Variants in PRDM6 observed in about 807,000 individuals in gnomAD.
PRDM6 encodes the protein putative histone-lysine N-methyltransferase PRDM6.
PRDM6 carries 25 observed loss-of-function variants against 60.8 expected under a neutral mutation model. That is an observed-to-expected ratio of 0.41 (90% confidence interval 0.30 to 0.57). The LOEUF (loss-of-function observed/expected upper bound fraction) is 0.57, where lower values mean the gene tolerates loss of function less well. Among genes scored for constraint, PRDM6 ranks in the 20% least tolerant of loss-of-function variants. The pLI is 0.27. For missense variants in PRDM6, 839 were observed against 821.3 expected, an observed-to-expected ratio of 1.02 and a Z score of -0.26; for synonymous variants, 407 against 357.4, an observed-to-expected ratio of 1.14 and a Z score of -1.57.
intron 2 of PRDM6, among the ~76,000 whole-genome samples, chr5:123,092,222 T>C (rs1460233121): frequency 6.6e-6 from 1 of 152,256 alleles, no homozygotes; most frequent in African/African-American, 2.4e-5. Flanking sequence ...ACTGAATTTC[T>C]TGAATGTGTG....
intron 3 of PRDM6, among the ~76,000 whole-genome samples, chr5:123,127,025 C>A (rs1764707967): frequency 6.6e-6 from 1 of 151,986 alleles, no homozygotes; most frequent in Non-Finnish European, 1.5e-5. Context: ...GACCCTACCC[C>A]ACTCCCAACA....
intron 3 of PRDM6, among the ~76,000 whole-genome samples, chr5:123,128,860 G>A (rs1161151026): frequency 6.6e-6 from 1 of 152,152 alleles, no homozygotes; most frequent in Non-Finnish European, 1.5e-5. Flanking sequence ...GTCCTGAATG[G>A]TATTGGCTAG....
intron 6 of PRDM6, among the ~76,000 whole-genome samples, chr5:123,176,253 C>A (rs1226957988): frequency 8.0e-6 from 1 of 124,770 alleles, no homozygotes; most frequent in Non-Finnish European, 1.6e-5. Flanking sequence ...GACAACACTA[C>A]TAAAGATCTC....
At chr5:123,142,850 A>G (rs1765137037) in intron 3 of PRDM6, among the ~76,000 whole-genome samples, 1 of 147,452 alleles carries the variant, frequency 6.8e-6, no homozygotes, top group Non-Finnish European at 1.5e-5. Flanking sequence ...ATTGCAATCA[A>G]ATTCAAAATG....
chr5:123,176,595 C>T (rs1333049003), intron 6 of PRDM6, among the ~76,000 whole-genome samples: 1 of 152,060 alleles, frequency 6.6e-6, no homozygotes, highest in African/African-American at 2.4e-5. Flanking sequence ...CCTGTAGTCC[C>T]AGCTACTCAG....
intron 3 of PRDM6, among the ~76,000 whole-genome samples, chr5:123,118,176 G>A (rs1449279904): frequency 1.3e-5 from 2 of 152,206 alleles, no homozygotes; most frequent in Non-Finnish European, 2.9e-5. Flanking sequence ...TTGCAATCAG[G>A]TTTTTCAGGA....
intron 3 of PRDM6, among the ~76,000 whole-genome samples, chr5:123,146,781 A>G (rs1345387682): frequency 1.3e-5 from 2 of 152,140 alleles, no homozygotes; most frequent in African/African-American, 4.8e-5. Context: ...TATGAGAGAG[A>G]AGAGAGAGAA....
rs141220968 is a variant in PRDM6, at chr5:123,124,711, G to A, written c.900+24750G>A. Among the ~76,000 whole-genome samples, 721 of 152,258 alleles carry A rather than the reference G, an allele frequency of 4.7e-3. 4 individuals carry two copies. Among genetic ancestry groups the A allele is most frequent in the Non-Finnish European group, 7.3e-3 (499 of 68,014 alleles). ...GAAAACCCAAGACATTGCTGCATCCGGAAAATTTATGGTTAAGACTGGAGA... is the reference window on the plus strand; with the variant it reads ...GAAAACCCAAGACATTGCTGCATCCAGAAAATTTATGGTTAAGACTGGAGA... On this transcript the variant is annotated intron_variant, in intron 3 of 7. Coordinates refer to ENST00000407847, the MANE Select transcript of PRDM6 (RefSeq NM_001136239.4).
chr5:123,120,028 G>T (rs2150217266), intron 3 of PRDM6, among the ~76,000 whole-genome samples: 1 of 151,826 alleles, frequency 6.6e-6, no homozygotes, highest in African/African-American at 2.4e-5. Context: ...CTCTCTCCTA[G>T]AATGCTTAAT....
At chr5:123,151,177 C>T (rs925533379) in intron 3 of PRDM6, among the ~76,000 whole-genome samples, 1 of 152,120 alleles carries the variant, frequency 6.6e-6, no homozygotes, top group Non-Finnish European at 1.5e-5. Flanking sequence ...GGCACTTCAA[C>T]ACACAACCAA....
intron 3 of PRDM6, among the ~76,000 whole-genome samples, chr5:123,104,975 T>C (rs563825500): frequency 1.9e-4 from 14 of 72,674 alleles, no homozygotes; most frequent in Non-Finnish European, 3.6e-4. Flanking sequence ...CCGAGAATAA[T>C]TCTGCTTTAA....
chr5:123,098,331 GC>G (rs1300632721), intron 2 of PRDM6, among the ~76,000 whole-genome samples: 1 of 152,230 alleles, frequency 6.6e-6, no homozygotes, highest in East Asian at 1.9e-4. Flanking sequence ...CCTGACACTT[GC>G]GCGGGGTCGC....
intron 5 of PRDM6, among the ~76,000 whole-genome samples, chr5:123,162,481 C>G (rs917287503): frequency 2.6e-5 from 4 of 152,148 alleles, no homozygotes; most frequent in African/African-American, 9.7e-5. Flanking sequence ...ATTGAATAAA[C>G]TCTACCAGGA....
intron 7 of PRDM6, among the ~76,000 whole-genome samples, chr5:123,186,104 A>G (rs1450544085): frequency 6.6e-6 from 1 of 152,216 alleles, no homozygotes; most frequent in Non-Finnish European, 1.5e-5. Flanking sequence ...CAGCCCAGGT[A>G]AGTAAGGTGG....
intron 3 of PRDM6, among the ~76,000 whole-genome samples, chr5:123,117,575 A>G (rs1434700038): frequency 6.6e-6 from 1 of 152,240 alleles, no homozygotes; most frequent in East Asian, 1.9e-4. Context: ...ACCAGCAGGA[A>G]GGAAGATGGG....
At position 123,188,453 on chromosome 5, in the gene PRDM6, G is replaced by A. The variant is rs760722611; in HGVS notation, c.*1252G>A. On this transcript the variant is annotated 3_prime_UTR_variant, in exon 8 of 8. Transcript: ENST00000407847. The stretch of plus-strand genomic sequence containing the variant: ...GAGTTTAATTTCAGCTAGCCTGTTG[G>A]TGGTTCAACAGTGGTGCTCAATGAA... 3 of 152,188 alleles carry A rather than the reference G, an allele frequency of 2.0e-5. No individual in the cohort carries two copies. Among genetic ancestry groups the A allele is most frequent in the Non-Finnish European group, 4.4e-5 (3 of 68,028 alleles). 9.4% of individuals were successfully genotyped at this position (152,188 alleles called of 1,614,324 possible).
At chr5:123,137,280 G>A (rs1048734328) in intron 3 of PRDM6, among the ~76,000 whole-genome samples, 6 of 152,196 alleles carry the variant, frequency 3.9e-5, no homozygotes, top group African/African-American at 1.4e-4. Context: ...AGTGTGCAAG[G>A]TGACTGCAAA....
At chr5:123,185,985 G>A (rs1224514399) in intron 7 of PRDM6, among the ~76,000 whole-genome samples, 2 of 152,200 alleles carry the variant, frequency 1.3e-5, no homozygotes, top group Non-Finnish European at 2.9e-5. Flanking sequence ...TGGGACAATT[G>A]TCTGTAGCTC....
At chr5:123,090,628 GCT>G (rs1561793103) in intron 2 of PRDM6, 22 bp downstream of exon 2, 1 of 1,459,216 alleles carries the variant, frequency 6.9e-7, no homozygotes, top group East Asian at 3.0e-5. Flanking sequence ...CAGCCCGCGC[GCT>G]CTCTCCCGGG....
Sources: allele counts gnomAD v4.1 joint callset (sites outside exome capture counted in the v4.1 genomes callset), GRCh38; gene constraint gnomAD v4.1.1; transcripts MANE v1.5; gene names NCBI Gene and HGNC (gene_info 2026-07-23, HGNC 2026-07-21).